PKHD1: variants seen among roughly 807,000 people sequenced by gnomAD.
PKHD1 encodes PKHD1 ciliary IPT domain containing fibrocystin/polyductin.
A neutral mutation model predicts 412.0 loss-of-function variants in PKHD1; 291 were observed. That is an observed-to-expected ratio of 0.71 (90% confidence interval 0.64 to 0.78). PKHD1 has a LOEUF of 0.78. PKHD1 is among the 30% of genes least tolerant of loss of function. The pLI, the probability that PKHD1 is intolerant of heterozygous loss-of-function variation, is 0.00. For missense variants in PKHD1, 4,825 were observed against 4,950.7 expected, an observed-to-expected ratio of 0.97 and a Z score of 0.76; for synonymous variants, 1,777 against 1,821.5, an observed-to-expected ratio of 0.98 and a Z score of 0.62.
chr6:52,000,011 A>G (rs2128095915), intron 35 of PKHD1, among the ~76,000 whole-genome samples: 1 of 152,310 alleles, frequency 6.6e-6, no homozygotes, highest in Non-Finnish European at 1.5e-5. Flanking sequence ...ATTCTTCATC[A>G]GGCTTCAGGG....
intron 43 of PKHD1, among the ~76,000 whole-genome samples, chr6:51,897,321 G>C (rs1780256859): frequency 6.6e-6 from 1 of 152,040 alleles, no homozygotes; most frequent in Non-Finnish European, 1.5e-5. Context: ...TCTCTTGGCA[G>C]AAACCCTACA....
At chr6:51,971,698 T>G (rs577115914) in intron 35 of PKHD1, among the ~76,000 whole-genome samples, 1 of 127,800 alleles carries the variant, frequency 7.8e-6, no homozygotes, top group South Asian at 2.6e-4. Flanking sequence ...TTTGGGTTGG[T>G]TTTTTTTGCT....
intron 35 of PKHD1, among the ~76,000 whole-genome samples, chr6:51,982,888 AAT>A (rs1491027097): frequency 1.5e-3 from 177 of 117,292 alleles, no homozygotes; most frequent in African/African-American, 3.8e-3. Context: ...AATAAAATAA[AAT>A]AAAAAAAAGA....
intron 57 of PKHD1, among the ~76,000 whole-genome samples, chr6:51,749,076 T>C (rs989677441): frequency 1.1e-4 from 16 of 152,150 alleles, no homozygotes; most frequent in African/African-American, 3.6e-4. Flanking sequence ...TGACACCACG[T>C]GAAAGGCCAC....
intron 60 of PKHD1, among the ~76,000 whole-genome samples, chr6:51,694,548 C>CTTTTTT (rs67157925): frequency 1.6e-4 from 6 of 37,706 alleles, no homozygotes; most frequent in African/African-American, 3.2e-4. Flanking sequence ...CACAACCAGC[C>CTTTTTT]TTTTTTTTTT....
intron 51 of PKHD1, among the ~76,000 whole-genome samples, chr6:51,834,076 C>T (rs1318846450): frequency 1.3e-5 from 2 of 152,154 alleles, no homozygotes; most frequent in African/African-American, 4.8e-5. Flanking sequence ...GTTTTCATGG[C>T]TCTGCATGAA....
At chr6:51,731,712 A>C (rs1783256535) in intron 60 of PKHD1, among the ~76,000 whole-genome samples, 1 of 152,198 alleles carries the variant, frequency 6.6e-6, no homozygotes, top group South Asian at 2.1e-4. Context: ...TTAAAAAATC[A>C]ATTCTCTTTA....
chr6:52,011,586 G>T (rs888092018), intron 34 of PKHD1, among the ~76,000 whole-genome samples: 7 of 152,122 alleles, frequency 4.6e-5, no homozygotes, highest in African/African-American at 1.7e-4. Context: ...GACCAGGAAG[G>T]GTGGAGAGAA....
chr6:51,812,235 G>A (rs1764810801), intron 52 of PKHD1, among the ~76,000 whole-genome samples: 1 of 152,138 alleles, frequency 6.6e-6, no homozygotes. Flanking sequence ...TGCAAAGTTG[G>A]TTCAAAATAT....
Position 52,027,811 on chromosome 6 carries a change from C to A in PKHD1, c.3628+18G>T, listed in dbSNP as rs371245126. On this transcript the variant is annotated intron_variant, in intron 31 of 66. Coordinates refer to ENST00000371117, the MANE Select transcript of PKHD1 (RefSeq NM_138694.4). ...GAATTGCTGGATAATTGATAACAGT[C>A]ACATAAGAGCCACTCACCCAGCAGG... 19 of 1,568,042 alleles carry A rather than the reference C, an allele frequency of 1.2e-5. No individual in the cohort carries two copies. The highest frequency in any genetic ancestry group is 1.7e-5 in the Non-Finnish European group (19 of 1,138,172).
At chr6:51,846,607 GA>G (rs1771204877) in intron 50 of PKHD1, among the ~76,000 whole-genome samples, 1 of 152,144 alleles carries the variant, frequency 6.6e-6, no homozygotes, top group Non-Finnish European at 1.5e-5. Flanking sequence ...TAAACTCCAG[GA>G]AATCAAAAGA....
At chr6:52,003,362 AG>A (rs561151600) in intron 35 of PKHD1, among the ~76,000 whole-genome samples, 7 of 152,176 alleles carry the variant, frequency 4.6e-5, no homozygotes, top group Non-Finnish European at 1.0e-4. Context: ...CTTTAATCAA[AG>A]TACCTTTAAC....
At chr6:51,716,004 G>C (rs73442831) in intron 60 of PKHD1, among the ~76,000 whole-genome samples, 2,084 of 152,204 alleles carry the variant, frequency 0.014, 58 homozygotes, top group African/African-American at 0.048. Flanking sequence ...GGCTATGTGG[G>C]TGTTCATTAT....
chr6:52,074,569 A>G (rs906084301), intron 6 of PKHD1, among the ~76,000 whole-genome samples: 1 of 152,208 alleles, frequency 6.6e-6, no homozygotes, highest in Non-Finnish European at 1.5e-5. Flanking sequence ...AACTAACAAA[A>G]GACTGTAGAA....
Position 51,875,034 on chromosome 6 carries a change from C to A in PKHD1, c.7351-4395G>T, listed in dbSNP as rs1197821779. On this transcript the variant is annotated intron_variant, in intron 46 of 66. Transcript: ENST00000371117. ...CCTGGAAAATCGGGTCACTCCCACC[C>A]AAATATTGCGCTTTTCAGACCGGCT... Among the ~76,000 whole-genome samples the A allele has an allele frequency of 6.4e-5, 3 of 46,908 alleles. 1 individual carries two copies. Among genetic ancestry groups the A allele is most frequent in the African/African-American group, 2.9e-4 (3 of 10,208 alleles). The allele number at this position is 46,908 out of a possible 152,430, so 30.8% of individuals were successfully genotyped here.
intron 11 of PKHD1, 125 bp downstream of exon 11, chr6:52,069,332 G>A (rs375496498): frequency 1.3e-6 from 1 of 785,624 alleles, no homozygotes. Context: ...ACACCAGGCT[G>A]TCTATGATTG....
chr6:51,790,669 T>G (rs762313184), intron 53 of PKHD1, among the ~76,000 whole-genome samples: 2 of 152,210 alleles, frequency 1.3e-5, no homozygotes, highest in Non-Finnish European at 2.9e-5. Context: ...AAACCAAGCA[T>G]GCTTCTTTGA....
At chr6:52,001,059 A>G (rs1348843402) in intron 35 of PKHD1, among the ~76,000 whole-genome samples, 1 of 152,180 alleles carries the variant, frequency 6.6e-6, no homozygotes, top group Non-Finnish European at 1.5e-5. Flanking sequence ...TTTTTATAAT[A>G]TCATATTTAA....
At position 52,069,728 on chromosome 6, in the gene PKHD1, A is replaced by T. The variant is rs150096271; in HGVS notation, c.708-201T>A. ...TGATATATAAAATTATCATATGGGA[A>T]TAATGCCTGCTTCATAGGATGTCCC... is the stretch of plus-strand genomic sequence containing the variant. On this transcript the variant is annotated intron_variant, in intron 10 of 66. Transcript: ENST00000371117. 3.3e-5 allele frequency among the ~76,000 whole-genome samples: 5 copies of T among 152,324 alleles called. No individual in the cohort carries two copies. In the East Asian group the frequency reaches 9.6e-4, roughly 29 times the overall value.
Sources: gnomAD v4.1 joint callset for allele counts (sites outside exome capture counted in the v4.1 genomes callset) on GRCh38, gnomAD v4.1.1 for gene constraint, MANE v1.5 for transcripts, NCBI Gene and HGNC (gene_info 2026-07-23, HGNC 2026-07-21) for gene names.